Variants in EHBP1 observed in about 807,000 individuals in gnomAD.
EHBP1 encodes the protein EH domain-binding protein 1.
In EHBP1, 55 loss-of-function variants were observed where a neutral mutation model predicts 144.0. That is an observed-to-expected ratio of 0.38 (90% CI 0.31 to 0.48). EHBP1 has a LOEUF of 0.48. Among genes scored for constraint, EHBP1 ranks in the 20% least tolerant of loss-of-function variants. The pLI, the probability that EHBP1 is intolerant of heterozygous loss-of-function variation, is 0.98. For synonymous variants in EHBP1, 469 were observed against 472.7 expected (o/e 0.99, Z 0.10); for missense variants, 1,200 against 1,364.2 (o/e 0.88, Z 1.90).
At chr2:62,827,671 C>CTTT (rs754873194) in intron 6 of EHBP1, among the ~76,000 whole-genome samples, 1 of 145,908 alleles carries the variant, frequency 6.9e-6, no homozygotes. Flanking sequence ...AGCAAGTTAA[C>CTTT]TTTTTTTTTT....
intron 2 of EHBP1, among the ~76,000 whole-genome samples, chr2:62,728,593 G>A (rs112608507): frequency 5.9e-5 from 9 of 151,788 alleles, no homozygotes; most frequent in Non-Finnish European, 8.8e-5. Context: ...TAATTGGATC[G>A]TTTCCTTTTA....
chr2:62,679,196 A>G (rs1352088329), intron 1 of EHBP1, among the ~76,000 whole-genome samples: 1 of 152,180 alleles, frequency 6.6e-6, no homozygotes, highest in African/African-American at 2.4e-5. Flanking sequence ...TTGATCCCCA[A>G]ATAATGGAAA....
chr2:62,732,406 A>G (rs1310437411), intron 2 of EHBP1, among the ~76,000 whole-genome samples: 1 of 152,026 alleles, frequency 6.6e-6, no homozygotes, highest in Non-Finnish European at 1.5e-5. Context: ...CTGTGTCCCC[A>G]CCCAAATCTC....
intron 5 of EHBP1, among the ~76,000 whole-genome samples, chr2:62,789,844 T>G (rs538404161): frequency 1.8e-3 from 269 of 152,332 alleles, no homozygotes; most frequent in Non-Finnish European, 3.1e-3. Context: ...GTAGCACTCC[T>G]GCAAATTTTA....
chr2:63,002,705 AG>A (rs1016066386), intron 19 of EHBP1, among the ~76,000 whole-genome samples: 4 of 152,140 alleles, frequency 2.6e-5, no homozygotes, highest in African/African-American at 7.2e-5. Context: ...GTATGATCAA[AG>A]TACAGAGTAG....
chr2:62,969,326 C>T (rs1446775999), intron 14 of EHBP1, among the ~76,000 whole-genome samples: 1 of 152,094 alleles, frequency 6.6e-6, no homozygotes, highest in African/African-American at 2.4e-5. Flanking sequence ...GCAACATTAA[C>T]TTGATCTCAT....
At chr2:62,721,659 C>CTACTGTGT (rs2036234745) in intron 2 of EHBP1, among the ~76,000 whole-genome samples, 1 of 152,218 alleles carries the variant, frequency 6.6e-6, no homozygotes, top group Non-Finnish European at 1.5e-5. Context: ...GTAGCGATCA[C>CTACTGTGT]TACTGTGTCC....
intron 5 of EHBP1, among the ~76,000 whole-genome samples, chr2:62,801,765 T>G (rs1403352815): frequency 2.6e-5 from 4 of 152,214 alleles, no homozygotes. Flanking sequence ...AGCAAGTTGG[T>G]TTGTTGTATA....
Position 62,948,566 on chromosome 2 carries a change from T to C in EHBP1, c.1720T>C (p.Ser574Pro), listed in dbSNP as rs2057199326. 6.2e-7 allele frequency: 1 copy of C among 1,614,084 alleles called. No individual in the cohort carries two copies. Among genetic ancestry groups the C allele is most frequent in the Admixed American group, 1.7e-5 (1 of 60,014 alleles). ...TATCAGCGGAGCAGTAGACTTCTTA[T>C]CACAGGATGACTCTGTATTTGTAAA... ...QPISGAVDFL[S>P]QDDSVFVNDS... The change falls in exon 13 of 23, where the codon TCA (serine) becomes CCA (proline). Residue 574 changes from serine to proline, a missense_variant. Physicochemically the swap from Ser to Pro is moderately conservative, Grantham distance 74. Coordinates refer to ENST00000431489, the MANE Select transcript of EHBP1 (RefSeq NM_001142616.3).
rs1193322707 is a variant in EHBP1 at position 62,831,043 on chromosome 2, T to C, written c.519T>C (p.Ala173=). 3 of 1,612,896 alleles carry C rather than the reference T, an allele frequency of 1.9e-6. No homozygotes were observed. In the African/African-American group the frequency reaches 4.0e-5, roughly 22 times the overall value. ...GAGATGAAGACATGCAAAGTTTGGC[T>C]AGTTTGATGAGTATGAAGCAGGCTG... The part of the protein sequence containing the change: ...KATDEDMQSL[A]SLMSMKQADI... Residue 173 remains alanine, a synonymous_variant, in exon 7 of 23, where the codon GCT becomes GCC. Coordinates refer to ENST00000431489, the MANE Select transcript of EHBP1 (RefSeq NM_001142616.3).
chr2:62,941,262 A>G (rs146612359), intron 10 of EHBP1, among the ~76,000 whole-genome samples: 30 of 152,106 alleles, frequency 2.0e-4, no homozygotes, highest in Non-Finnish European at 3.5e-4. Flanking sequence ...ACATGAAAAG[A>G]TATTTAATAG....
chr2:62,833,863 C>A (rs1050353079), intron 7 of EHBP1, among the ~76,000 whole-genome samples: 1 of 152,154 alleles, frequency 6.6e-6, no homozygotes, highest in African/African-American at 2.4e-5. Context: ...ACTCACTGTT[C>A]TAGATGCCAT....
chr2:62,710,339 G>GTA (rs2035025221), intron 2 of EHBP1, among the ~76,000 whole-genome samples: 2 of 151,768 alleles, frequency 1.3e-5, no homozygotes, highest in African/African-American at 4.8e-5. Flanking sequence ...TATTTTGTAT[G>GTA]TATATATATG....
intron 9 of EHBP1, among the ~76,000 whole-genome samples, chr2:62,869,891 C>T (rs943135075): frequency 6.6e-6 from 1 of 151,950 alleles, no homozygotes; most frequent in African/African-American, 2.4e-5. Flanking sequence ...AATTCTTGGG[C>T]CTTTAGGTCT....
intron 10 of EHBP1, among the ~76,000 whole-genome samples, chr2:62,912,759 T>C (rs1443846401): frequency 1.3e-5 from 2 of 152,296 alleles, no homozygotes; most frequent in Admixed American, 6.5e-5. Context: ...TTTTCACTGA[T>C]TGATATCTCT....
chr2:62,753,461 A>T (rs1479226766), intron 3 of EHBP1, among the ~76,000 whole-genome samples: 1 of 151,874 alleles, frequency 6.6e-6, no homozygotes, highest in Non-Finnish European at 1.5e-5. Context: ...AACTTTGGTG[A>T]GTCTGACAAT....
At position 62,996,714 on chromosome 2, in the gene EHBP1, T is replaced by C; in HGVS notation, c.3051T>C (p.Ile1017=). 6.2e-7 allele frequency: 1 copy of C among 1,613,246 alleles called. No individual in the cohort carries two copies. The highest frequency in any genetic ancestry group is 8.5e-7 in the Non-Finnish European group (1 of 1,179,604). ...LAALENEQKQ[I]DTRAALVEKR... is the part of the protein sequence containing the mutation. ...CACTAGAGAATGAGCAAAAGCAAAT[T>C]GACACCCGTGCCGCGCTGGTGGAGA... Residue 1017 remains isoleucine, a synonymous_variant, in exon 19 of 23, where the codon ATT becomes ATC. Coordinates refer to ENST00000431489, the MANE Select transcript of EHBP1 (RefSeq NM_001142616.3).
At position 62,993,859 on chromosome 2, in the gene EHBP1, T is replaced by C; in HGVS notation, c.2873-12T>C. 6.6e-7 allele frequency: 1 copy of C among 1,516,856 alleles called. No homozygotes were observed. The highest frequency in any genetic ancestry group is 8.8e-7 in the Non-Finnish European group (1 of 1,133,058). The allele number at this position is 1,516,856 out of a possible 1,614,324, so 94.0% of individuals were successfully genotyped here. On this transcript the variant is annotated splice_polypyrimidine_tract_variant and intron_variant, in intron 17 of 22. Coordinates refer to ENST00000431489, the MANE Select transcript of EHBP1 (RefSeq NM_001142616.3). ...CAATAATTTTACATGTCTTTCCTCT[T>C]TTTTTTTTAAGAGATGAAAAGGCAG... is the stretch of plus-strand genomic sequence containing the variant.
At chr2:62,685,026 G>C (rs1224608616) in intron 1 of EHBP1, among the ~76,000 whole-genome samples, 1 of 152,154 alleles carries the variant, frequency 6.6e-6, no homozygotes, top group Non-Finnish European at 1.5e-5. Flanking sequence ...GTGCTAGGGG[G>C]AATGGGGAGA....
Sources: allele counts gnomAD v4.1 joint callset (sites outside exome capture counted in the v4.1 genomes callset), GRCh38; gene constraint gnomAD v4.1.1; transcripts MANE v1.5; gene names NCBI Gene and HGNC (gene_info 2026-07-23, HGNC 2026-07-21).